The following ZNF521 variants were observed in gnomAD, a reference collection of about 807,000 sequenced individuals.
ZNF521 encodes LYST-interacting protein 3.
In ZNF521, 14 loss-of-function variants were observed where a neutral mutation model predicts 105.5. That is an observed-to-expected ratio of 0.13 (90% CI 0.09 to 0.21). The LOEUF (loss-of-function observed/expected upper bound fraction) is 0.21, where lower values mean the gene tolerates loss of function less well. Among genes scored for constraint, ZNF521 ranks in the 10% least tolerant of loss-of-function variants. The probability of loss-of-function intolerance (pLI) is 1.00; values close to 1 mark genes in which losing one functional copy is unlikely to be tolerated. For missense variants in ZNF521, 1,233 were observed against 1,629.7 expected (o/e 0.76, Z 4.19); for synonymous variants, 635 against 606.0 (o/e 1.05, Z -0.70).
intron 3 of ZNF521, among the ~76,000 whole-genome samples, chr18:25,245,941 G>A (rs1383603298): frequency 6.6e-6 from 1 of 152,140 alleles, no homozygotes; most frequent in East Asian, 1.9e-4. Context: ...GAGCCCACGA[G>A]TTTGAGGTTA....
intron 2 of ZNF521, among the ~76,000 whole-genome samples, chr18:25,337,385 T>C (rs957527302): frequency 7.2e-5 from 11 of 151,856 alleles, no homozygotes; most frequent in African/African-American, 2.7e-4. Flanking sequence ...CTGGGGAAAA[T>C]ATTTGCAACA....
rs774902024 is a variant in ZNF521, at chr18:25,225,634, G to A, written c.2284C>T (p.Arg762Cys). Residue 762 changes from arginine (R) to cysteine (C), a missense_variant, in exon 4 of 8, where the codon CGC (arginine) becomes TGC (cysteine). Physicochemically the swap from Arg to Cys is radical, Grantham distance 180. Transcript: ENST00000361524. This position sits in a 1 kb window ranked among gnomAD's most constrained non-coding sequence, Gnocchi z 5.6. ...YRCTSCNWDF[R>C]NETDLQLHVK... ...TGGAGCTGCAAGTCAGTTTCGTTGC[G>A]GAAGTCCCAGTTGCAAGATGTGCAC... 32 of 1,614,012 alleles carry A rather than the reference G, an allele frequency of 2.0e-5. No homozygotes were observed. Among genetic ancestry groups the A allele is most frequent in the East Asian group, 4.5e-5 (2 of 44,882 alleles).
At chr18:25,160,245 G>T (rs181296056) in intron 5 of ZNF521, among the ~76,000 whole-genome samples, 1 of 152,152 alleles carries the variant, frequency 6.6e-6, no homozygotes, top group Non-Finnish European at 1.5e-5. Context: ...ACTTTTGCCC[G>T]TCAGAGGATA....
intron 4 of ZNF521, among the ~76,000 whole-genome samples, chr18:25,211,374 T>A (rs962770391): frequency 6.6e-5 from 10 of 152,188 alleles, no homozygotes; most frequent in African/African-American, 2.4e-4. Context: ...ATAGGTAATG[T>A]ATAAAGAGTT....
chr18:25,074,740 C>T (rs1167179524), intron 7 of ZNF521, among the ~76,000 whole-genome samples: 1 of 152,112 alleles, frequency 6.6e-6, no homozygotes, highest in Non-Finnish European at 1.5e-5. Context: ...GCTTCAGAAA[C>T]CCACACGTGA....
At chr18:25,159,774 TAAGA>T (rs1047524647) in intron 5 of ZNF521, among the ~76,000 whole-genome samples, 5 of 152,162 alleles carry the variant, frequency 3.3e-5, no homozygotes, top group Non-Finnish European at 7.4e-5. Flanking sequence ...TTACACTCAC[TAAGA>T]AAGACTCAGG....
At chr18:25,209,207 C>A (rs2036134528) in intron 4 of ZNF521, among the ~76,000 whole-genome samples, 1 of 152,008 alleles carries the variant, frequency 6.6e-6, no homozygotes, top group Non-Finnish European at 1.5e-5. Flanking sequence ...TCTTGGCTCA[C>A]TGCAACCTCC....
intron 5 of ZNF521, among the ~76,000 whole-genome samples, chr18:25,144,413 G>A (rs2034905947): frequency 6.6e-6 from 1 of 152,238 alleles, no homozygotes; most frequent in South Asian, 2.1e-4. Flanking sequence ...AGTAAGCCCT[G>A]TCTTATACAG....
chr18:25,256,804 GA>G (rs370169502), intron 3 of ZNF521, among the ~76,000 whole-genome samples: 1,544 of 147,884 alleles, frequency 0.01, 24 homozygotes, highest in African/African-American at 0.035. Flanking sequence ...GCAGCTGAAG[GA>G]AAAAAAAAAC....
chr18:25,079,874 A>G (rs2033453889), intron 7 of ZNF521, among the ~76,000 whole-genome samples: 1 of 152,224 alleles, frequency 6.6e-6, no homozygotes, highest in Admixed American at 6.5e-5. Flanking sequence ...AGCAAAGCAC[A>G]CTGCTGATAT....
intron 4 of ZNF521, chr18:25,201,408 A>G (rs1189194025): frequency 6.6e-6 from 1 of 152,126 alleles, no homozygotes; most frequent in Non-Finnish European, 1.5e-5. Context: ...AACCCTAATT[A>G]CCACTTTCTA....
At chr18:25,282,341 G>A (rs12373369) in intron 3 of ZNF521, among the ~76,000 whole-genome samples, 15,208 of 152,100 alleles carry the variant, frequency 0.1, 845 homozygotes, top group South Asian at 0.18. Flanking sequence ...CATGCACATC[G>A]GAACCACTGG....
At chr18:25,293,421 A>G (rs370548342) in intron 3 of ZNF521, among the ~76,000 whole-genome samples, 8 of 152,126 alleles carry the variant, frequency 5.3e-5, no homozygotes, top group African/African-American at 1.9e-4. Context: ...CTAAACAGAC[A>G]TTACCAAGAA....
intron 5 of ZNF521, among the ~76,000 whole-genome samples, chr18:25,129,161 T>C (rs1472861549): frequency 6.6e-6 from 1 of 151,538 alleles, no homozygotes; most frequent in Non-Finnish European, 1.5e-5. Context: ...TATAGTCAAC[T>C]GATCTTGGAC....
intron 7 of ZNF521, among the ~76,000 whole-genome samples, chr18:25,073,454 C>A (rs1316023281): frequency 6.6e-6 from 1 of 152,196 alleles, no homozygotes; most frequent in African/African-American, 2.4e-5. Flanking sequence ...TACTTCACTT[C>A]CGTGTTTGAA....
intron 5 of ZNF521, among the ~76,000 whole-genome samples, chr18:25,168,836 G>T (rs528695778): frequency 6.6e-6 from 1 of 152,216 alleles, no homozygotes; most frequent in East Asian, 1.9e-4. Context: ...GAGTAAACTG[G>T]GAAGGCAGGT....
At chr18:25,344,314 T>C (rs143779603) in intron 2 of ZNF521, among the ~76,000 whole-genome samples, 194 of 152,298 alleles carry the variant, frequency 1.3e-3, no homozygotes, top group Middle Eastern at 6.8e-3. Context: ...AAGCTTTCCT[T>C]ACACTATTTG....
intron 5 of ZNF521, among the ~76,000 whole-genome samples, chr18:25,113,761 GACAC>G (rs10667710): frequency 2.2e-4 from 22 of 101,752 alleles, no homozygotes; most frequent in Admixed American, 4.9e-4. Flanking sequence ...AGGACGGACG[GACAC>G]ACACACACAC....
chr18:25,156,297 T>G (rs942468563), intron 5 of ZNF521, among the ~76,000 whole-genome samples: 1 of 152,204 alleles, frequency 6.6e-6, no homozygotes, highest in Non-Finnish European at 1.5e-5. Flanking sequence ...AGAGCCAAAT[T>G]GAGAGTCCAG....
Sources: gnomAD v4.1 joint callset for allele counts (sites outside exome capture counted in the v4.1 genomes callset) on GRCh38, gnomAD v4.1.1 for gene constraint, Gnocchi (gnomAD v3.1) non-coding constraint, MANE v1.5 for transcripts, NCBI Gene and HGNC (gene_info 2026-07-23, HGNC 2026-07-21) for gene names.